The following TAFA5 variants were observed in gnomAD, a reference collection of about 807,000 sequenced individuals.
TAFA5 encodes the protein TAFA chemokine like family member 5, also known as chemokine-like protein TAFA-5.
TAFA5 carries 6 observed loss-of-function variants against 15.3 expected under a neutral mutation model. The observed-to-expected ratio is 0.39, with a 90% confidence interval of 0.21 to 0.77. The LOEUF is 0.77. TAFA5 is among the 30% of genes least tolerant of loss of function. TAFA5 has a pLI of 0.41. For missense variants in TAFA5, 161 were observed against 193.1 expected (o/e 0.83, Z 0.98); for synonymous variants, 103 against 80.7 (o/e 1.28, Z -1.48).
chr22:48,656,872 T>G (rs1045416464), intron 2 of TAFA5, among the ~76,000 whole-genome samples: 1 of 151,216 alleles, frequency 6.6e-6, no homozygotes, highest in Non-Finnish European at 1.5e-5. Flanking sequence ...TTCAAGCAGT[T>G]CTCTTGCCTC....
intron 1 of TAFA5, among the ~76,000 whole-genome samples, chr22:48,597,301 C>G (rs1332591415): frequency 6.6e-6 from 1 of 151,924 alleles, no homozygotes; most frequent in Admixed American, 6.5e-5. Context: ...CCCTGCTGTT[C>G]CCCTCTCTAC....
intron 1 of TAFA5, among the ~76,000 whole-genome samples, chr22:48,592,874 TG>T (rs897996481): frequency 1.3e-5 from 2 of 152,128 alleles, no homozygotes; most frequent in African/African-American, 2.4e-5. Flanking sequence ...TGTTCCGTGG[TG>T]GTCCCAGGGG....
At chr22:48,528,601 C>T (rs1921860174) in intron 1 of TAFA5, among the ~76,000 whole-genome samples, 1 of 152,206 alleles carries the variant, frequency 6.6e-6, no homozygotes, top group Non-Finnish European at 1.5e-5. Context: ...GTGATGTGGC[C>T]TCGGGGACTG....
At chr22:48,740,104 G>A (rs1930137739) in intron 3 of TAFA5, among the ~76,000 whole-genome samples, 1 of 152,178 alleles carries the variant, frequency 6.6e-6, no homozygotes, top group African/African-American at 2.4e-5. Context: ...TTAGCACAGG[G>A]AGGAGCTCAC....
rs57578802 is a variant in TAFA5 at position 48,571,574 on chromosome 22, G to GTTTTTTTT, written c.113-74998_113-74991dup. Among the ~76,000 whole-genome samples the GTTTTTTTT allele has an allele frequency of 3.8e-4, 11 of 29,236 alleles. 1 individual carries two copies. Among genetic ancestry groups the GTTTTTTTT allele is most frequent in the Admixed American group, 1.1e-3 (2 of 1,794 alleles). The allele number at this position is 29,236 out of a possible 152,430, so 19.2% of individuals were successfully genotyped here. ...AGGCATGAGCCACTGTGCCTGGCCT[G>GTTTTTTTT]TTTTTTTTTTTTTTTTTTTTTTTTT... On this transcript the variant is annotated intron_variant, in intron 1 of 3. Transcript: ENST00000402357.
chr22:48,541,055 G>A (rs747422416), intron 1 of TAFA5, among the ~76,000 whole-genome samples: 1 of 152,154 alleles, frequency 6.6e-6, no homozygotes, highest in Non-Finnish European at 1.5e-5. Context: ...GGGACAGGGG[G>A]TGGGGGAGTC....
chr22:48,620,065 T>C (rs1243316246), intron 1 of TAFA5, among the ~76,000 whole-genome samples: 3 of 152,162 alleles, frequency 2.0e-5, no homozygotes, highest in Non-Finnish European at 4.4e-5. Flanking sequence ...GAGTCCAGGG[T>C]GGAGGATGGC....
chr22:48,729,825 A>G (rs1929819688), intron 3 of TAFA5, among the ~76,000 whole-genome samples: 1 of 151,304 alleles, frequency 6.6e-6, no homozygotes, highest in Non-Finnish European at 1.5e-5. Flanking sequence ...AAAGTGTCCC[A>G]AAAGATAAAA....
chr22:48,611,340 T>G (rs1925402906), intron 1 of TAFA5, among the ~76,000 whole-genome samples: 1 of 152,250 alleles, frequency 6.6e-6, no homozygotes, highest in Non-Finnish European at 1.5e-5. Flanking sequence ...TGTCCTGCGT[T>G]GCCTTTCGTA....
chr22:48,711,817 G>A (rs1929262384), intron 3 of TAFA5, among the ~76,000 whole-genome samples: 1 of 152,182 alleles, frequency 6.6e-6, no homozygotes, highest in Non-Finnish European at 1.5e-5. Context: ...CTGCCCAGCT[G>A]CGCGCCACCA....
chr22:48,513,844 C>A (rs1382938978), intron 1 of TAFA5, among the ~76,000 whole-genome samples: 1 of 152,236 alleles, frequency 6.6e-6, no homozygotes, highest in Non-Finnish European at 1.5e-5. Context: ...AAGTTGGCAG[C>A]CCTGTCTGGG....
chr22:48,534,383 C>G (rs144329717), intron 1 of TAFA5, among the ~76,000 whole-genome samples: 1 of 152,060 alleles, frequency 6.6e-6, no homozygotes, highest in South Asian at 2.1e-4. Flanking sequence ...TGGGGCCGGG[C>G]GTTCCTCCGG....
intron 2 of TAFA5, among the ~76,000 whole-genome samples, chr22:48,690,117 C>T (rs1031454402): frequency 6.6e-6 from 1 of 151,984 alleles, no homozygotes; most frequent in Non-Finnish European, 1.5e-5. Flanking sequence ...GGCCTGTGCT[C>T]CCCCCACCCC....
intron 1 of TAFA5, among the ~76,000 whole-genome samples, chr22:48,645,853 C>T (rs531205920): frequency 2.6e-5 from 4 of 152,288 alleles, no homozygotes; most frequent in South Asian, 2.1e-4. Flanking sequence ...GGGTGCCACC[C>T]GTGTAAACCT....
chr22:48,742,728 G>A lies in TAFA5; in HGVS notation c.391-7111G>A, dbSNP rs549382225. Among the ~76,000 whole-genome samples, 19 of 152,306 alleles carry A rather than the reference G, an allele frequency of 1.2e-4. No individual in the cohort carries two copies. Among genetic ancestry groups the A allele is most frequent in the South Asian group, 8.3e-4 (4 of 4,830 alleles). ...GTGGGCCGGGTGGTGTGGTGAAGCCGGCAGCACAGTGGAGCAGGCATTATG... is the reference window on the plus strand; with the variant it reads ...GTGGGCCGGGTGGTGTGGTGAAGCCAGCAGCACAGTGGAGCAGGCATTATG... On this transcript the variant is annotated intron_variant, in intron 3 of 3. Transcript: ENST00000402357. The surrounding 1 kb of genome is among the most constrained non-coding windows in gnomAD (Gnocchi z 6.2).
At chr22:48,709,743 G>A (rs879314819) in intron 3 of TAFA5, among the ~76,000 whole-genome samples, 4 of 152,210 alleles carry the variant, frequency 2.6e-5, no homozygotes, top group East Asian at 1.9e-4. Flanking sequence ...TCAGTTCACC[G>A]GGGTGGGAAG....
intron 1 of TAFA5, among the ~76,000 whole-genome samples, chr22:48,565,854 G>A (rs116429418): frequency 0.018 from 2,710 of 152,308 alleles, 71 homozygotes; most frequent in African/African-American, 0.06. Context: ...ATGGGTGGAC[G>A]GATGGATGGA....
chr22:48,725,388 A>G (rs1214757429), intron 3 of TAFA5, among the ~76,000 whole-genome samples: 1 of 152,192 alleles, frequency 6.6e-6, no homozygotes, highest in Non-Finnish European at 1.5e-5. Flanking sequence ...ATGGAAAGCA[A>G]TCCTGTCCTA....
chr22:48,591,630 G>A (rs939446727), intron 1 of TAFA5, among the ~76,000 whole-genome samples: 6 of 152,256 alleles, frequency 3.9e-5, no homozygotes, highest in South Asian at 2.1e-4. Context: ...CCAGGGCAGC[G>A]GGGTCACAGG....
Sources: gnomAD v4.1 joint callset for allele counts (sites outside exome capture counted in the v4.1 genomes callset) on GRCh38, gnomAD v4.1.1 for gene constraint, Gnocchi (gnomAD v3.1) non-coding constraint, MANE v1.5 for transcripts, NCBI Gene and HGNC (gene_info 2026-07-23, HGNC 2026-07-21) for gene names.